RORB: variants seen among roughly 807,000 people sequenced by gnomAD.
RORB encodes the protein nuclear receptor ROR-beta.
RORB carries 6 observed loss-of-function variants against 59.1 expected under a neutral mutation model. The ratio of observed to expected loss-of-function variants is 0.10; its 90% CI spans 0.06 to 0.20. RORB has a LOEUF of 0.20. Among genes scored for constraint, RORB ranks in the 10% least tolerant of loss-of-function variants. RORB has a pLI of 1.00. For synonymous variants in RORB, 215 were observed against 204.5 expected (o/e 1.05, Z -0.44); for missense variants, 320 against 560.5 (o/e 0.57, Z 4.33).
At chr9:74,676,041 G>T (rs1824435815) in intron 9 of RORB, among the ~76,000 whole-genome samples, 1 of 152,216 alleles carries the variant, frequency 6.6e-6, no homozygotes, top group African/African-American at 2.4e-5. Flanking sequence ...AGGAAGGCCG[G>T]TCCAGCTGGG....
At chr9:74,655,104 A>G (rs1587408422) in intron 4 of RORB, among the ~76,000 whole-genome samples, 2 of 152,224 alleles carry the variant, frequency 1.3e-5, no homozygotes, top group African/African-American at 4.8e-5. Flanking sequence ...CATTATATTA[A>G]CTATCAAAGC....
chr9:74,656,972 G>A (rs1026453461), intron 4 of RORB, among the ~76,000 whole-genome samples: 1 of 152,122 alleles, frequency 6.6e-6, no homozygotes, highest in African/African-American at 2.4e-5. Flanking sequence ...AAATATACAA[G>A]ACTTCAAGCC....
intron 1 of RORB, among the ~76,000 whole-genome samples, chr9:74,509,213 A>G (rs1181784295): frequency 1.3e-5 from 2 of 152,134 alleles, no homozygotes; most frequent in Admixed American, 1.3e-4. Context: ...AGGAAAAACT[A>G]AAATAAAATA....
At position 74,671,786 on chromosome 9, in the gene RORB, C is replaced by T. The variant is rs1587417265; in HGVS notation, c.1112-3C>T. Reference sequence around the variant, plus strand: ...TCCACTTACCCACTCTTTCTTTCATCAGACCGAGCCTGGCTTATAGAACCA... The same window carrying T: ...TCCACTTACCCACTCTTTCTTTCATTAGACCGAGCCTGGCTTATAGAACCA... On this transcript the variant is annotated splice_polypyrimidine_tract_variant and splice_region_variant and intron_variant, in intron 8 of 9. Transcript: ENST00000376896. 3.1e-6 allele frequency: 5 copies of T among 1,598,372 alleles called. No individual in the cohort carries two copies. The highest frequency in any genetic ancestry group is 2.6e-6 in the Non-Finnish European group (3 of 1,169,974).
At chr9:74,642,365 C>A in intron 3 of RORB, 49 bp from the exon 4 acceptor site, 1 of 1,548,688 alleles carries the variant, frequency 6.5e-7, no homozygotes. Flanking sequence ...AGGTGGTTAA[C>A]GCGAATGATA....
chr9:74,505,555 C>T (rs193139518), intron 1 of RORB, among the ~76,000 whole-genome samples: 3 of 151,988 alleles, frequency 2.0e-5, no homozygotes, highest in Admixed American at 2.0e-4. Context: ...AGTCAGTAGT[C>T]GAAGCTAGGA....
chr9:74,686,222 T>C lies in RORB; in HGVS notation c.*604T>C, dbSNP rs1824640902. 6.5e-6 allele frequency: 1 copy of C among 152,696 alleles called. No homozygotes were observed. Among genetic ancestry groups the C allele is most frequent in the African/African-American group, 2.4e-5 (1 of 41,466 alleles). 9.5% of individuals were successfully genotyped at this position (152,696 alleles called of 1,614,324 possible). ...CTCTTCTATGATTTACCTTCTGTGTTATATGTTACCTTTATGTTAGACAAT... is the reference window on the plus strand; with the variant it reads ...CTCTTCTATGATTTACCTTCTGTGTCATATGTTACCTTTATGTTAGACAAT... On this transcript the variant is annotated 3_prime_UTR_variant, in exon 10 of 10. Coordinates refer to ENST00000376896, the MANE Select transcript of RORB (RefSeq NM_006914.4).
chr9:74,658,845 G>T (rs1343619273), intron 4 of RORB, among the ~76,000 whole-genome samples: 2 of 152,122 alleles, frequency 1.3e-5, no homozygotes, highest in Non-Finnish European at 2.9e-5. Context: ...TTGAATATAG[G>T]ATTTTTTAAA....
In RORB at chr9:74,543,573, G is replaced by A. The variant is rs185169564; in HGVS notation, c.7+45590G>A. Among the ~76,000 whole-genome samples, 865 of 152,028 alleles carry A rather than the reference G, an allele frequency of 5.7e-3. 6 individuals carry two copies. Among genetic ancestry groups the A allele is most frequent in the Non-Finnish European group, 7.3e-3 (493 of 67,978 alleles). On this transcript the variant is annotated intron_variant, in intron 1 of 9. Transcript: ENST00000376896. ...AGGCTGTTTTCAAAAGACCACTCTA[G>A]GTGAATCCAGAAGTTCAAGGAATTT... is the stretch of plus-strand genomic sequence containing the variant.
rs370525382 is a variant in RORB at position 74,570,230 on chromosome 9, C to T, written c.8-60052C>T. Among the ~76,000 whole-genome samples the T allele has an allele frequency of 2.0e-5, 3 of 152,114 alleles. No individual in the cohort carries two copies. In the South Asian group the frequency reaches 6.2e-4, roughly 32 times the overall value. On this transcript the variant is annotated intron_variant, in intron 1 of 9. Coordinates refer to ENST00000376896, the MANE Select transcript of RORB (RefSeq NM_006914.4). ...CCTTCTCACTTTTTAATATTTGTAT[C>T]ATTACGTGTATCAATTTATTTATAA... is the stretch of plus-strand genomic sequence containing the variant.
chr9:74,516,809 A>G (rs978788093), intron 1 of RORB, among the ~76,000 whole-genome samples: 1 of 151,960 alleles, frequency 6.6e-6, no homozygotes, highest in Non-Finnish European at 1.5e-5. Flanking sequence ...TTTTTTCCTT[A>G]TATTTATTTA....
At chr9:74,594,485 T>C (rs1014836236) in intron 1 of RORB, among the ~76,000 whole-genome samples, 2 of 152,208 alleles carry the variant, frequency 1.3e-5, no homozygotes, top group Non-Finnish European at 1.5e-5. Context: ...GAAAATCATA[T>C]ATAAAATCTA....
chr9:74,518,726 G>C (rs1826045594), intron 1 of RORB, among the ~76,000 whole-genome samples: 1 of 151,868 alleles, frequency 6.6e-6, no homozygotes. Flanking sequence ...GTTTTTGAGG[G>C]AACAGGAGCT....
chr9:74,551,503 A>G (rs1007379651), intron 1 of RORB, among the ~76,000 whole-genome samples: 1 of 152,216 alleles, frequency 6.6e-6, no homozygotes, highest in East Asian at 1.9e-4. Flanking sequence ...GAGCGGGATG[A>G]CAAGAGATTT....
chr9:74,663,701 C>T (rs1430946160), intron 6 of RORB, among the ~76,000 whole-genome samples: 15 of 152,164 alleles, frequency 9.9e-5, no homozygotes, highest in Admixed American at 9.8e-4. Context: ...GCAAAGGAAT[C>T]CACTTTCAAA....
intron 1 of RORB, among the ~76,000 whole-genome samples, chr9:74,506,008 C>T (rs1000930822): frequency 1.3e-4 from 19 of 148,472 alleles, no homozygotes; most frequent in African/African-American, 2.5e-4. Flanking sequence ...AAAAAGAAAA[C>T]GTAAAAATAC....
At chr9:74,674,792 C>T (rs7872909) in intron 9 of RORB, among the ~76,000 whole-genome samples, 94 of 152,260 alleles carry the variant, frequency 6.2e-4, no homozygotes, top group African/African-American at 2.2e-3. Flanking sequence ...CTAGTTTCTT[C>T]TCCTTATCAG....
At chr9:74,556,921 G>A (rs1822302432) in intron 1 of RORB, among the ~76,000 whole-genome samples, 1 of 152,174 alleles carries the variant, frequency 6.6e-6, no homozygotes. Flanking sequence ...AATGTCAATA[G>A]ATTCTGGATG....
intron 4 of RORB, among the ~76,000 whole-genome samples, chr9:74,647,107 T>C (rs1823912848): frequency 6.6e-6 from 1 of 152,238 alleles, no homozygotes; most frequent in South Asian, 2.1e-4. Flanking sequence ...AAAATTAATA[T>C]TTAGACAGCA....
Sources: allele counts gnomAD v4.1 joint callset (sites outside exome capture counted in the v4.1 genomes callset), GRCh38; gene constraint gnomAD v4.1.1; transcripts MANE v1.5; gene names NCBI Gene and HGNC (gene_info 2026-07-23, HGNC 2026-07-21).